The following DDX31 variants were observed in gnomAD, a reference collection of about 807,000 sequenced individuals.
DDX31 encodes ATP-dependent DNA helicase DDX31.
A neutral mutation model predicts 91.3 loss-of-function variants in DDX31; 70 were observed. The observed-to-expected ratio is 0.77, with a 90% confidence interval of 0.63 to 0.94. The LOEUF (loss-of-function observed/expected upper bound fraction) is 0.94, where lower values mean the gene tolerates loss of function less well. Among genes scored for constraint, DDX31 ranks in the 40% least tolerant of loss-of-function variants. The pLI, the probability that DDX31 is intolerant of heterozygous loss-of-function variation, is 0.00. For synonymous variants in DDX31, 362 were observed against 350.6 expected (o/e 1.03, Z -0.36); for missense variants, 902 against 925.0 (o/e 0.98, Z 0.32).
chr9:132,634,366 GCA>G (rs1296693369), intron 14 of DDX31, among the ~76,000 whole-genome samples: 1 of 151,486 alleles, frequency 6.6e-6, no homozygotes, highest in East Asian at 1.9e-4. Context: ...GCATGCCCAC[GCA>G]CACACACACA....
chr9:132,603,145 C>T (rs1042820224), intron 19 of DDX31, among the ~76,000 whole-genome samples: 1 of 152,188 alleles, frequency 6.6e-6, no homozygotes, highest in Non-Finnish European at 1.5e-5. Flanking sequence ...CGTAAGCCCT[C>T]AAAAGAGATG....
At chr9:132,621,259 T>C (rs908542989) in intron 17 of DDX31, among the ~76,000 whole-genome samples, 2 of 152,322 alleles carry the variant, frequency 1.3e-5, no homozygotes, top group African/African-American at 4.8e-5. Flanking sequence ...CACCTTGATA[T>C]TGCCAACTTC....
chr9:132,660,050 A>G (rs1213604751), intron 4 of DDX31, among the ~76,000 whole-genome samples: 2 of 152,214 alleles, frequency 1.3e-5, no homozygotes, highest in African/African-American at 4.8e-5. Flanking sequence ...AAAATGGGAC[A>G]GGCAGCCGAC....
At chr9:132,648,406 T>G in intron 10 of DDX31, 26 bp downstream of exon 10, 1 of 1,611,642 alleles carries the variant, frequency 6.2e-7, no homozygotes, top group Non-Finnish European at 8.5e-7. Flanking sequence ...CTCTTCTACC[T>G]GTTATCATCC....
chr9:132,646,449 C>T (rs1425994476), intron 12 of DDX31, among the ~76,000 whole-genome samples: 2 of 152,196 alleles, frequency 1.3e-5, no homozygotes, highest in Non-Finnish European at 2.9e-5. Flanking sequence ...TATTTTCTCA[C>T]ATCTCAGAGT....
chr9:132,603,140 G>A (rs189065437), intron 19 of DDX31, among the ~76,000 whole-genome samples: 14 of 152,350 alleles, frequency 9.2e-5, no homozygotes, highest in African/African-American at 3.4e-4. Flanking sequence ...ACACACGTAA[G>A]CCCTCAAAAG....
In DDX31 at chr9:132,594,671, T is replaced by A; in HGVS notation, c.*195A>T. ...GTCGGGAGCTGGCTAGTCTCTACAG[T>A]GCCCCACACCACTGATTTCTATCAG... On this transcript the variant is annotated 3_prime_UTR_variant, in exon 20 of 20. Coordinates refer to ENST00000372159, the MANE Select transcript of DDX31 (RefSeq NM_022779.9). 3.5e-6 allele frequency: 3 copies of A among 862,708 alleles called. No homozygotes were observed. The highest frequency in any genetic ancestry group is 5.3e-6 in the Non-Finnish European group (3 of 566,378). The allele number at this position is 862,708 out of a possible 1,614,324, so 53.4% of individuals were successfully genotyped here. A position where few individuals can be genotyped will look rare whatever the true frequency, so the allele number is the denominator to read the frequency against.
rs1177577879 is a variant in DDX31, at chr9:132,595,510, C to T, written c.1995-398G>A. ...AAAGCTCACGGCAGCTTCCCAGTAA[C>T]CCCTAAGCAGCTTAAAGCAACTGGC... On this transcript the variant is annotated intron_variant, in intron 19 of 19. Coordinates refer to ENST00000372159, the MANE Select transcript of DDX31 (RefSeq NM_022779.9). The surrounding 1 kb of genome is among the most constrained non-coding windows in gnomAD (Gnocchi z 4.6). 2.0e-5 allele frequency among the ~76,000 whole-genome samples: 3 copies of T among 152,194 alleles called. No homozygotes were observed. The highest frequency in any genetic ancestry group is 4.4e-5 in the Non-Finnish European group (3 of 68,034).
intron 19 of DDX31, among the ~76,000 whole-genome samples, chr9:132,609,391 A>G (rs445690): frequency 0.6 from 91,344 of 151,994 alleles, 30,088 homozygotes; most frequent in African/African-American, 0.87. Flanking sequence ...AGGAGGCGGC[A>G]GGCTGCTCTC....
chr9:132,658,431 A>T lies in DDX31; in HGVS notation c.588+240T>A, dbSNP rs981848972. Reference sequence around the variant, plus strand: ...ACATGCAAAGTATCATGCCTGACACACGGGGAGCATCTTACAAAGCTTCCC... The same window carrying T: ...ACATGCAAAGTATCATGCCTGACACTCGGGGAGCATCTTACAAAGCTTCCC... On this transcript the variant is annotated intron_variant, in intron 6 of 19. Coordinates refer to ENST00000372159, the MANE Select transcript of DDX31 (RefSeq NM_022779.9). 3.2e-5 allele frequency: 22 copies of T among 696,548 alleles called. No individual in the cohort carries two copies. The East Asian group carries it at 5.9e-4, about 19-fold the overall frequency. The allele number at this position is 696,548 out of a possible 1,614,324, so 43.1% of individuals were successfully genotyped here. A position where few individuals can be genotyped will look rare whatever the true frequency, so the allele number is the denominator to read the frequency against.
chr9:132,652,892 C>T (rs1026123655), intron 6 of DDX31, among the ~76,000 whole-genome samples: 2 of 152,068 alleles, frequency 1.3e-5, no homozygotes, highest in African/African-American at 4.8e-5. Flanking sequence ...TATGAGACCT[C>T]CCCCAGCCAT....
At chr9:132,612,525 A>G (rs1281140631) in intron 18 of DDX31, among the ~76,000 whole-genome samples, 2 of 152,164 alleles carry the variant, frequency 1.3e-5, no homozygotes, top group African/African-American at 4.8e-5. Flanking sequence ...GCTCCTAACA[A>G]TCCCACAGGG....
intron 14 of DDX31, among the ~76,000 whole-genome samples, chr9:132,637,639 G>GC (rs1833201411): frequency 6.6e-6 from 1 of 152,214 alleles, no homozygotes; most frequent in African/African-American, 2.4e-5. Context: ...CAGGGTCCAG[G>GC]CCCCCGTTGT....
At chr9:132,627,881 CT>C (rs1408530863) in intron 16 of DDX31, among the ~76,000 whole-genome samples, 3 of 152,232 alleles carry the variant, frequency 2.0e-5, no homozygotes, top group Non-Finnish European at 2.9e-5. Context: ...GCCCCTCTGC[CT>C]GGCTCTCATG....
At chr9:132,643,025 T>C (rs560375508) in intron 13 of DDX31, among the ~76,000 whole-genome samples, 7 of 152,292 alleles carry the variant, frequency 4.6e-5, no homozygotes, top group Admixed American at 2.6e-4. Context: ...GGTTTTGCCA[T>C]GCTGCTCAGG....
At position 132,595,147 on chromosome 9, in the gene DDX31, CTT is replaced by C; in HGVS notation, c.1995-37_1995-36del. On this transcript the variant is annotated intron_variant, in intron 19 of 19. Transcript: ENST00000372159. The surrounding 1 kb of genome is among the most constrained non-coding windows in gnomAD (Gnocchi z 4.6). ...AGTAACAGCAGAGAGGGAAAAGAAA[CTT>C]TATTATTTTTCTTTCCCATTTGGAA... 4 of 1,585,320 alleles carry C rather than the reference CTT, an allele frequency of 2.5e-6. No individual in the cohort carries two copies. Among genetic ancestry groups the C allele is most frequent in the South Asian group, 2.3e-5 (2 of 88,124 alleles).
intron 14 of DDX31, among the ~76,000 whole-genome samples, chr9:132,636,318 A>G (rs1035012454): frequency 3.3e-5 from 5 of 152,276 alleles, no homozygotes; most frequent in African/African-American, 1.2e-4. Context: ...TACACCAACT[A>G]CAGTTTATGT....
At chr9:132,627,533 A>G (rs1234302088) in intron 16 of DDX31, among the ~76,000 whole-genome samples, 3 of 152,248 alleles carry the variant, frequency 2.0e-5, no homozygotes, top group African/African-American at 7.2e-5. Flanking sequence ...CTTATGCCTG[A>G]TCTAAGAAAT....
rs372841356 is a variant in DDX31 at position 132,662,822 on chromosome 9, C to T, written c.76-127G>A. 4 of 1,274,422 alleles carry T rather than the reference C, an allele frequency of 3.1e-6. No homozygotes were observed. In the South Asian group the frequency reaches 5.8e-5, roughly 19 times the overall value. The allele number at this position is 1,274,422 out of a possible 1,614,324, so 78.9% of individuals were successfully genotyped here. The stretch of plus-strand genomic sequence containing the variant: ...GCAGAGATCATTATGCCCCATATGT[C>T]AAGCAACAGTTTAGGGTTTGCAATC... On this transcript the variant is annotated intron_variant, in intron 1 of 19. Coordinates refer to ENST00000372159, the MANE Select transcript of DDX31 (RefSeq NM_022779.9).
Sources: allele counts gnomAD v4.1 joint callset (sites outside exome capture counted in the v4.1 genomes callset), GRCh38; gene constraint gnomAD v4.1.1; non-coding constraint Gnocchi (gnomAD v3.1); transcripts MANE v1.5; gene names NCBI Gene and HGNC (gene_info 2026-07-23, HGNC 2026-07-21).